PLCL2: variants seen among roughly 807,000 people sequenced by gnomAD.
PLCL2 encodes the protein phospholipase C like 2.
A neutral mutation model predicts 79.6 loss-of-function variants in PLCL2; 4 were observed. The observed-to-expected ratio is 0.05, with a 90% CI of 0.02 to 0.11. The LOEUF (loss-of-function observed/expected upper bound fraction) is 0.11. PLCL2 is among the 10% of genes least tolerant of loss of function. The pLI is 1.00. For synonymous variants in PLCL2, 484 were observed against 457.7 expected (o/e 1.06, Z -0.73); for missense variants, 895 against 1,291.0 (o/e 0.69, Z 4.70).
At position 17,027,554 on chromosome 3, in the gene PLCL2, A is replaced by T. The variant is rs1349841955; in HGVS notation, c.3018+12643A>T. 2.6e-5 allele frequency among the ~76,000 whole-genome samples: 4 copies of T among 152,208 alleles called. No homozygotes were observed. In the East Asian group the frequency reaches 5.8e-4, roughly 22 times the overall value. On this transcript the variant is annotated intron_variant, in intron 3 of 5. Coordinates refer to ENST00000615277, the MANE Select transcript of PLCL2 (RefSeq NM_001144382.2). Reference sequence around the variant, plus strand: ...CACTTCCAAAAGTGGATTGGGTAAAAGTCCTTAGGGTATTTTGATACAGTG... The same window carrying T: ...CACTTCCAAAAGTGGATTGGGTAAATGTCCTTAGGGTATTTTGATACAGTG...
At chr3:17,068,110 T>TTCAGCATGCTTCCCTCTC (rs1192561206) in intron 5 of PLCL2, 45 bp downstream of exon 5, 3 of 982,136 alleles carry the variant, frequency 3.1e-6, no homozygotes, top group African/African-American at 1.6e-5. Flanking sequence ...TGCAGCCTCT[T>TTCAGCATGCTTCCCTCTC]TCAGCATGCT....
intron 1 of PLCL2, among the ~76,000 whole-genome samples, chr3:16,956,584 G>A (rs1428548826): frequency 6.6e-6 from 1 of 152,084 alleles, no homozygotes; most frequent in Non-Finnish European, 1.5e-5. Context: ...CTATTGATTG[G>A]AATAGTTTCA....
chr3:17,049,970 G>A (rs575919704), intron 4 of PLCL2, among the ~76,000 whole-genome samples: 1 of 152,154 alleles, frequency 6.6e-6, no homozygotes, highest in Admixed American at 6.6e-5. Context: ...GCATGATAAT[G>A]GTATAAAAGC....
At chr3:16,898,485 G>A (rs2124918639) in intron 1 of PLCL2, among the ~76,000 whole-genome samples, 1 of 152,308 alleles carries the variant, frequency 6.6e-6, no homozygotes, top group Middle Eastern at 3.4e-3. Flanking sequence ...TAGCTGCCGG[G>A]TATGAATGCT....
intron 3 of PLCL2, among the ~76,000 whole-genome samples, chr3:17,034,117 G>A (rs767970557): frequency 2.0e-5 from 3 of 152,142 alleles, no homozygotes; most frequent in African/African-American, 7.2e-5. Context: ...GAGTTTGCAG[G>A]TTCTCCCCAC....
intron 1 of PLCL2, among the ~76,000 whole-genome samples, 165 bp downstream of exon 1, chr3:16,885,531 A>G (rs1490561620): frequency 1.3e-5 from 2 of 152,210 alleles, no homozygotes; most frequent in Non-Finnish European, 2.9e-5. Flanking sequence ...TGGCATGTGG[A>G]AAGAATGGAG....
At chr3:16,973,355 C>CTTTTTTTT (rs57892589) in intron 1 of PLCL2, among the ~76,000 whole-genome samples, 4 of 137,798 alleles carry the variant, frequency 2.9e-5, no homozygotes, top group African/African-American at 2.7e-5. Context: ...CTGCCTTTAA[C>CTTTTTTTT]TTTTTTTTTT....
chr3:17,021,595 TACACACACACACACACACAC>T (rs35902619), intron 3 of PLCL2, among the ~76,000 whole-genome samples: 2 of 146,486 alleles, frequency 1.4e-5, no homozygotes, highest in Non-Finnish European at 1.5e-5. Context: ...AAAGTATTCT[TACACACACACACACACACAC>T]ACACACACAC....
intron 1 of PLCL2, among the ~76,000 whole-genome samples, chr3:16,916,554 G>T (rs183917001): frequency 1.9e-3 from 291 of 152,268 alleles, no homozygotes; most frequent in African/African-American, 6.7e-3. Flanking sequence ...TCTGCCAAGA[G>T]CACCCAGTAT....
chr3:17,085,590 C>T (rs1359251883), intron 5 of PLCL2, among the ~76,000 whole-genome samples: 1 of 152,100 alleles, frequency 6.6e-6, no homozygotes, highest in Non-Finnish European at 1.5e-5. Context: ...GCTGGGACTA[C>T]AGGCGCCCGC....
chr3:17,035,968 T>G (rs1338156708), intron 3 of PLCL2, among the ~76,000 whole-genome samples: 4 of 151,856 alleles, frequency 2.6e-5, no homozygotes, highest in Non-Finnish European at 5.9e-5. Context: ...TTATATAGGG[T>G]TTTTTCCCCC....
chr3:16,954,566 G>A (rs559930443), intron 1 of PLCL2, among the ~76,000 whole-genome samples: 45 of 152,126 alleles, frequency 3.0e-4, no homozygotes, highest in African/African-American at 1.0e-3. Context: ...TGGGTCAAAT[G>A]GTATTTCTAG....
rs35421244 is a variant in PLCL2, at chr3:16,952,360, C to CAAAAAAAAAAAAAAAAAAA, written c.328-57301_328-57283dup. ...TGCACATGTATCCCAGAACTTAAAG[C>CAAAAAAAAAAAAAAAAAAA]AAAAAAAAAAAAAAAAAAAAAAAAA... On this transcript the variant is annotated intron_variant, in intron 1 of 5. Transcript: ENST00000615277. Among the ~76,000 whole-genome samples, 36 of 22,624 alleles carry CAAAAAAAAAAAAAAAAAAA rather than the reference C, an allele frequency of 1.6e-3. 14 individuals are homozygous for CAAAAAAAAAAAAAAAAAAA. Among genetic ancestry groups the CAAAAAAAAAAAAAAAAAAA allele is most frequent in the Non-Finnish European group, 2.2e-3 (30 of 13,626 alleles). The allele number at this position is 22,624 out of a possible 152,430, so 14.8% of individuals were successfully genotyped here.
chr3:17,010,870 C>T lies in PLCL2; in HGVS notation c.1524C>T (p.Phe508=). Reference sequence around the variant, plus strand: ...TTGATATTATTAACAAGTATGCATTCTTTGCTTCAGAGTATCCTCTTATCT... The same window carrying T: ...TTGATATTATTAACAAGTATGCATTTTTTGCTTCAGAGTATCCTCTTATCT... ...SVIDIINKYA[F]FASEYPLILC... is the part of the protein sequence containing the mutation. Residue 508 remains phenylalanine (F), a synonymous_variant, in exon 2 of 6, where the codon TTC becomes TTT. Transcript: ENST00000615277. The surrounding 1 kb of genome is among the most constrained non-coding windows in gnomAD (Gnocchi z 5.8). 2 of 1,613,928 alleles carry T rather than the reference C, an allele frequency of 1.2e-6. No individual in the cohort carries two copies. The highest frequency in any genetic ancestry group is 1.7e-6 in the Non-Finnish European group (2 of 1,179,826).
At chr3:17,077,409 C>T (rs1037288147) in intron 5 of PLCL2, among the ~76,000 whole-genome samples, 4 of 152,226 alleles carry the variant, frequency 2.6e-5, no homozygotes, top group African/African-American at 9.6e-5. Flanking sequence ...GACTTGCCAA[C>T]ATGACTTCTG....
intron 1 of PLCL2, among the ~76,000 whole-genome samples, chr3:16,899,698 G>A (rs1463520492): frequency 1.3e-5 from 2 of 152,072 alleles, no homozygotes; most frequent in Non-Finnish European, 2.9e-5. Flanking sequence ...AGTAAAACCT[G>A]TATGGATCTT....
intron 1 of PLCL2, among the ~76,000 whole-genome samples, chr3:17,000,648 G>A (rs1036959842): frequency 1.3e-5 from 2 of 151,890 alleles, no homozygotes; most frequent in Non-Finnish European, 2.9e-5. Flanking sequence ...ATGAGTTTAA[G>A]TTTTTTAGCT....
At chr3:16,977,623 A>T (rs1237395726) in intron 1 of PLCL2, among the ~76,000 whole-genome samples, 1 of 152,186 alleles carries the variant, frequency 6.6e-6, no homozygotes, top group African/African-American at 2.4e-5. Context: ...CTAGAAGACA[A>T]GGTGTGTGTC....
At chr3:16,943,515 CAA>C (rs907659469) in intron 1 of PLCL2, among the ~76,000 whole-genome samples, 21 of 152,108 alleles carry the variant, frequency 1.4e-4, no homozygotes, top group African/African-American at 4.6e-4. Flanking sequence ...ATTTTACAAA[CAA>C]TGCATATTTA....
Sources: gnomAD v4.1 joint callset for allele counts (sites outside exome capture counted in the v4.1 genomes callset) on GRCh38, gnomAD v4.1.1 for gene constraint, Gnocchi (gnomAD v3.1) non-coding constraint, MANE v1.5 for transcripts, NCBI Gene and HGNC (gene_info 2026-07-23, HGNC 2026-07-21) for gene names.